The following RAG1 variants were observed in gnomAD, a reference collection of about 807,000 sequenced individuals.
RAG1 encodes V(D)J recombination-activating protein 1.
Under a neutral mutation model 62.7 loss-of-function variants are expected in RAG1, and 35 were observed. The observed-to-expected ratio is 0.56, with a 90% confidence interval of 0.43 to 0.74. RAG1 has a LOEUF of 0.74. Among genes scored for constraint, RAG1 ranks in the 30% least tolerant of loss-of-function variants. The pLI, the probability that RAG1 is intolerant of heterozygous loss-of-function variation, is 0.00. For synonymous variants in RAG1, 461 were observed against 470.3 expected (o/e 0.98, Z 0.26); for missense variants, 1,169 against 1,278.6 (o/e 0.91, Z 1.31).
intron 2 of RAG1, among the ~76,000 whole-genome samples, chr11:36,535,753 A>C (rs1860317143): frequency 6.6e-6 from 1 of 152,134 alleles, no homozygotes; most frequent in African/African-American, 2.4e-5. Flanking sequence ...TCAAATAAAT[A>C]AATAAATAAA....
intron 3 of RAG1, among the ~76,000 whole-genome samples, chr11:36,548,881 G>T (rs777752922): frequency 2.6e-5 from 4 of 152,064 alleles, no homozygotes; most frequent in Non-Finnish European, 4.4e-5. Flanking sequence ...TATACTACAA[G>T]GCTACAGGAA....
intron 3 of RAG1, among the ~76,000 whole-genome samples, chr11:36,551,231 T>C (rs1850476709): frequency 6.6e-6 from 1 of 152,154 alleles, no homozygotes; most frequent in South Asian, 2.1e-4. Context: ...TGGCAGTTTT[T>C]GGATTTATGA....
intron 3 of RAG1, among the ~76,000 whole-genome samples, chr11:36,558,912 G>A (rs762263565): frequency 4.0e-5 from 6 of 151,866 alleles, no homozygotes; most frequent in Non-Finnish European, 8.8e-5. Context: ...TTTCTCTTTC[G>A]CATCTGTGTA....
At chr11:36,561,962 G>A (rs1341552333) in intron 3 of RAG1, among the ~76,000 whole-genome samples, 1 of 152,112 alleles carries the variant, frequency 6.6e-6, no homozygotes, top group Non-Finnish European at 1.5e-5. Flanking sequence ...CAGCGTATCC[G>A]GACATTTTGA....
chr11:36,521,964 G>C (rs1005090904), intron 2 of RAG1, among the ~76,000 whole-genome samples: 5 of 152,058 alleles, frequency 3.3e-5, no homozygotes, highest in African/African-American at 1.2e-4. Flanking sequence ...TTCTAAGCAG[G>C]AAAGCATTCA....
intron 1 of RAG1, among the ~76,000 whole-genome samples, chr11:36,516,904 A>G (rs1252636356): frequency 6.6e-6 from 1 of 152,190 alleles, no homozygotes; most frequent in African/African-American, 2.4e-5. Flanking sequence ...CCCGGCCCAA[A>G]AACGTATATT....
intron 2 of RAG1, among the ~76,000 whole-genome samples, chr11:36,534,335 C>T (rs1163816403): frequency 6.6e-6 from 1 of 152,108 alleles, no homozygotes; most frequent in East Asian, 1.9e-4. Context: ...AAGAAAGCAA[C>T]AAGAAACAAA....
rs747551474 is a variant in RAG1 at position 36,576,298 on chromosome 11, C to T, written c.2994C>T (p.Thr998=). 2.9e-5 allele frequency: 46 copies of T among 1,614,034 alleles called. No homozygotes were observed. Among genetic ancestry groups the T allele is most frequent in the Non-Finnish European group, 3.6e-5 (43 of 1,180,028 alleles). Residue 998 remains threonine, a synonymous_variant, in exon 2 of 2, where the codon ACC becomes ACT. Coordinates refer to ENST00000299440, the MANE Select transcript of RAG1 (RefSeq NM_000448.3). ...TCCTGAAACACCACTGGTTGTACACCTCCAAATACCTCCAGAAGTTTATGA... is the reference window on the plus strand; with the variant it reads ...TCCTGAAACACCACTGGTTGTACACTTCCAAATACCTCCAGAAGTTTATGA... The part of the protein sequence containing the change: ...EDVLKHHWLY[T]SKYLQKFMNA...
Position 36,544,096 on chromosome 11 carries a change from T to A in RAG1, c.-412+8062T>A, listed in dbSNP as rs1445098700. On this transcript the variant is annotated intron_variant and NMD_transcript_variant, in intron 3 of 9. Coordinates refer to the RAG1 transcript ENST00000534663. ...AACCAGTAAACTTCCTTTAGCCACT[T>A]TTTTAGGGTAGGTACAATTGGCTGA... is the stretch of plus-strand genomic sequence containing the variant. 7.9e-5 allele frequency among the ~76,000 whole-genome samples: 12 copies of A among 152,300 alleles called. No individual in the cohort carries two copies. In the East Asian group the frequency reaches 2.1e-3, roughly 27 times the overall value.
rs1487804801 is a variant in RAG1 at position 36,573,763 on chromosome 11, C to G, written c.459C>G (p.Asp153Glu). ...AAAAGAGAGCTACTTCCTGGCCGGA[C>G]CTCATTGCCAAGGTTTTCCGGATCG... ...KKEKRATSWP[D>E]LIAKVFRIDV... The change falls in exon 2 of 2, where the codon GAC (aspartate) becomes GAG (glutamate). Residue 153 changes from aspartate (D) to glutamate (E), a missense_variant. Asp to Glu is a conservative substitution (Grantham distance 45). This residue lies in a region of RAG1 where 369 missense variants were observed against 335.3 expected (regional missense o/e 1.10). Transcript: ENST00000299440. 8.7e-6 allele frequency: 14 copies of G among 1,614,074 alleles called. No homozygotes were observed. Among genetic ancestry groups the G allele is most frequent in the African/African-American group, 1.3e-5 (1 of 75,020 alleles).
chr11:36,565,272 T>C (rs1285825851), upstream of RAG1, among the ~76,000 whole-genome samples: 3 of 152,188 alleles, frequency 2.0e-5, no homozygotes, highest in Admixed American at 2.0e-4. Flanking sequence ...TTATCAGCAA[T>C]TGGAACTCAT....
At chr11:36,537,625 T>C (rs1428017953), downstream of RAG1, among the ~76,000 whole-genome samples, 1 of 152,214 alleles carries the variant, frequency 6.6e-6, no homozygotes, top group Non-Finnish European at 1.5e-5. Context: ...ATTCTTTAAA[T>C]TTTAAAATTT....
intron 1 of RAG1, among the ~76,000 whole-genome samples, chr11:36,571,735 C>T (rs914024767): frequency 3.9e-5 from 6 of 152,138 alleles, no homozygotes; most frequent in Admixed American, 1.3e-4. Flanking sequence ...CTGTCTCAGC[C>T]TCCCGAGTAG....
rs754373829 is a variant in RAG1 at position 36,573,492 on chromosome 11, C to T, written c.188C>T (p.Pro63Leu). Reference protein sequence around the residue: ...FEGKPSLEQSPAVLDKADGQK... With the variant: ...FEGKPSLEQSLAVLDKADGQK... ...GGGAAACCCTCTCTGGAGCAATCTC[C>T]AGCAGTCCTGGACAAGGCTGATGGT... Residue 63 changes from proline (P) to leucine (L), a missense_variant, in exon 2 of 2, where the codon CCA becomes CTA. By Grantham distance (98) the Pro-to-Leu change is moderately conservative. Transcript: ENST00000299440. 2 of 1,614,162 alleles carry T rather than the reference C, an allele frequency of 1.2e-6. No individual in the cohort carries two copies. Among genetic ancestry groups the T allele is most frequent in the Non-Finnish European group, 1.7e-6 (2 of 1,180,036 alleles).
chr11:36,577,369 A>G lies in RAG1; in HGVS notation c.*933A>G, dbSNP rs1270964291. 1 of 167,014 alleles carries G rather than the reference A, an allele frequency of 6.0e-6. No individual in the cohort carries two copies. The highest frequency in any genetic ancestry group is 1.9e-4 in the East Asian group (1 of 5,206). 10.3% of individuals were successfully genotyped at this position (167,014 alleles called of 1,614,324 possible). A position where few individuals can be genotyped will look rare whatever the true frequency, so the allele number is the denominator to read the frequency against. On this transcript the variant is annotated 3_prime_UTR_variant, in exon 2 of 2. Transcript: ENST00000299440. ...TGTCTAAAAATATATTTCATGTCTTACTGAAACATTTTGCCAGACTTTCTC... is the reference window on the plus strand; with the variant it reads ...TGTCTAAAAATATATTTCATGTCTTGCTGAAACATTTTGCCAGACTTTCTC...
Position 36,576,322 on chromosome 11 carries a change from GAATGCTCAT to G in RAG1, c.3024_3032del (p.His1009_Ala1011del). On this transcript the variant is annotated inframe_deletion, in exon 2 of 2. Coordinates refer to ENST00000299440, the MANE Select transcript of RAG1 (RefSeq NM_000448.3). ...CCTCCAAATACCTCCAGAAGTTTAT[GAATGCTCAT>G]AATGCATTAAAAACCTCTGGGTTTA... 6.2e-7 allele frequency: 1 copy of G among 1,614,062 alleles called. No homozygotes were observed. The highest frequency in any genetic ancestry group is 8.5e-7 in the Non-Finnish European group (1 of 1,180,032).
intron 1 of RAG1, among the ~76,000 whole-genome samples, chr11:36,519,135 G>T (rs370750716): frequency 6.6e-6 from 1 of 151,842 alleles, no homozygotes; most frequent in African/African-American, 2.4e-5. Context: ...TTTTCTTAAG[G>T]CATTTATTAA....
downstream of RAG1, among the ~76,000 whole-genome samples, chr11:36,537,924 C>T (rs1860357262): frequency 1.3e-5 from 2 of 152,120 alleles, no homozygotes; most frequent in South Asian, 2.1e-4. Flanking sequence ...TTAGATCGTT[C>T]CTCCAGTTTG....
At chr11:36,570,331 A>G (rs1254682733) in intron 1 of RAG1, among the ~76,000 whole-genome samples, 1 of 152,212 alleles carries the variant, frequency 6.6e-6, no homozygotes, top group African/African-American at 2.4e-5. Flanking sequence ...TGAACCATAT[A>G]AGTAGTTTTA....
Sources: allele counts gnomAD v4.1 joint callset (sites outside exome capture counted in the v4.1 genomes callset), GRCh38; gene constraint gnomAD v4.1.1; regional missense constraint gnomAD v4.1.1; transcripts MANE v1.5; gene names NCBI Gene and HGNC (gene_info 2026-07-23, HGNC 2026-07-21).